CCND3: variants seen among roughly 807,000 people sequenced by gnomAD.
The protein encoded by CCND3 is cyclin D3, also known as G1/S-specific cyclin-D3.
CCND3 carries 9 observed loss-of-function variants against 28.7 expected under a neutral mutation model. The ratio of observed to expected loss-of-function variants is 0.31; its 90% confidence interval spans 0.19 to 0.55. The LOEUF is 0.55. Among genes scored for constraint, CCND3 ranks in the 20% least tolerant of loss-of-function variants. The pLI is 0.93. For missense variants in CCND3, 315 were observed against 385.8 expected, an observed-to-expected ratio of 0.82 and a Z score of 1.54; for synonymous variants, 164 against 163.9, an observed-to-expected ratio of 1.00 and a Z score of 0.00.
chr6:41,971,696 C>T (rs1458832928), intron 1 of CCND3, among the ~76,000 whole-genome samples: 1 of 151,486 alleles, frequency 6.6e-6, no homozygotes, highest in Admixed American at 6.6e-5. Flanking sequence ...CGCTCCACCA[C>T]GCCCAGCTAA....
chr6:41,996,170 A>G (rs1762801089), intron 1 of CCND3, among the ~76,000 whole-genome samples: 2 of 147,924 alleles, frequency 1.4e-5, no homozygotes, highest in South Asian at 2.1e-4. Flanking sequence ...TTTGTTTGAC[A>G]TGGACTTTCA....
intron 1 of CCND3, among the ~76,000 whole-genome samples, chr6:41,967,143 AC>A (rs1414967422): frequency 1.3e-5 from 2 of 152,030 alleles, no homozygotes; most frequent in African/African-American, 2.4e-5. Flanking sequence ...TCTTTGTCTC[AC>A]CTCTGGTTTC....
chr6:41,977,668 A>G (rs1305880932), intron 1 of CCND3, among the ~76,000 whole-genome samples: 1 of 152,074 alleles, frequency 6.6e-6, no homozygotes, highest in Non-Finnish European at 1.5e-5. Context: ...TGCCCAGCCA[A>G]CTGTACTTTA....
intron 1 of CCND3, among the ~76,000 whole-genome samples, chr6:41,992,311 T>C (rs1762672558): frequency 1.3e-5 from 2 of 150,924 alleles, no homozygotes. Context: ...TACAGGTGCC[T>C]GCCACCATGC....
intron 1 of CCND3, among the ~76,000 whole-genome samples, chr6:41,975,603 C>T (rs1045080587): frequency 6.6e-6 from 1 of 152,042 alleles, no homozygotes; most frequent in African/African-American, 2.4e-5. Context: ...TGGGGAATCC[C>T]AAGGGGACTT....
At chr6:42,008,975 T>C (rs951163885) in intron 1 of CCND3, among the ~76,000 whole-genome samples, 3 of 152,164 alleles carry the variant, frequency 2.0e-5, no homozygotes, top group Non-Finnish European at 2.9e-5. Flanking sequence ...CCCGTGGGAA[T>C]AGGGAACATG....
At chr6:42,024,191 C>T (rs1331064891) in intron 1 of CCND3, among the ~76,000 whole-genome samples, 12 of 151,860 alleles carry the variant, frequency 7.9e-5, no homozygotes, top group Non-Finnish European at 5.9e-5. Context: ...ATCACGAGGT[C>T]AGGAGATGGA....
In CCND3 at chr6:41,998,517, G is replaced by A. The variant is rs575482108; in HGVS notation, c.-46+49984C>T. ...GTGCCAACCACCACGCCTGGCCAAC[G>A]GGGTTTCACCATGTTGGCCAGGCTG... On this transcript the variant is annotated intron_variant, in intron 1 of 4. Transcript: ENST00000372988. Among the ~76,000 whole-genome samples, 382 of 150,138 alleles carry A rather than the reference G, an allele frequency of 2.5e-3. 2 individuals carry two copies. Among genetic ancestry groups the A allele is most frequent in the African/African-American group, 8.9e-3 (365 of 40,920 alleles).
intron 1 of CCND3, among the ~76,000 whole-genome samples, chr6:41,990,257 A>C (rs1029033374): frequency 3.3e-5 from 5 of 152,144 alleles, no homozygotes; most frequent in African/African-American, 4.8e-5. Context: ...AGACTTCTAC[A>C]AGGAAAACTA....
intron 1 of CCND3, among the ~76,000 whole-genome samples, chr6:41,970,604 C>G (rs957996548): frequency 3.9e-5 from 6 of 152,118 alleles, no homozygotes; most frequent in African/African-American, 1.4e-4. Flanking sequence ...AATCTCCCAT[C>G]CCTTTCAAAA....
At position 41,935,020 on chromosome 6, in the gene CCND3, C is replaced by G; in HGVS notation, c.*920G>C. 8.6e-6 allele frequency: 2 copies of G among 232,928 alleles called. No homozygotes were observed. 14.4% of individuals were successfully genotyped at this position (232,928 alleles called of 1,614,324 possible). Reference sequence around the variant, plus strand: ...GGGCCACCAGCCTAAACCTTGCAGCCTTAGGAAAGACCTGTGTCAACAGGG... The same window carrying G: ...GGGCCACCAGCCTAAACCTTGCAGCGTTAGGAAAGACCTGTGTCAACAGGG... On this transcript the variant is annotated 3_prime_UTR_variant, in exon 5 of 5. Coordinates refer to ENST00000372991, the MANE Select transcript of CCND3 (RefSeq NM_001760.5).
At chr6:41,986,701 C>G (rs564706103) in intron 1 of CCND3, among the ~76,000 whole-genome samples, 4 of 151,986 alleles carry the variant, frequency 2.6e-5, no homozygotes, top group African/African-American at 7.2e-5. Flanking sequence ...AATATACGAT[C>G]ATGTCATCTG....
At chr6:42,047,436 C>G (rs774223807) in intron 1 of CCND3, among the ~76,000 whole-genome samples, 21 of 152,212 alleles carry the variant, frequency 1.4e-4, no homozygotes, top group Non-Finnish European at 2.4e-4. Flanking sequence ...AGATCCACTT[C>G]TCTATCCACG....
chr6:41,998,349 ATTTT>A (rs34342484), intron 1 of CCND3, among the ~76,000 whole-genome samples: 2 of 117,248 alleles, frequency 1.7e-5, no homozygotes. Flanking sequence ...ACAATATCCA[ATTTT>A]TTTTTTTTTT....
intron 1 of CCND3, among the ~76,000 whole-genome samples, chr6:42,000,865 A>G (rs1444527761): frequency 6.6e-6 from 1 of 151,494 alleles, no homozygotes; most frequent in East Asian, 2.0e-4. Context: ...ACGCCTGGCC[A>G]TGAAACAAAT....
chr6:41,990,125 C>A (rs867411761), intron 1 of CCND3, among the ~76,000 whole-genome samples: 1 of 151,566 alleles, frequency 6.6e-6, no homozygotes, highest in Non-Finnish European at 1.5e-5. Flanking sequence ...AATCAACATA[C>A]AAAAATCAGT....
rs560175531 is a variant in CCND3, at chr6:42,009,680, G to A, written c.-46+38821C>T. On this transcript the variant is annotated intron_variant, in intron 1 of 4. Coordinates refer to the CCND3 transcript ENST00000372988. ...AAATTAGCTGGGGGTGGTGGCACACGCCCATAGTCCCAGCTACTCGGGAGG... is the reference window on the plus strand; with the variant it reads ...AAATTAGCTGGGGGTGGTGGCACACACCCATAGTCCCAGCTACTCGGGAGG... 2.7e-3 allele frequency among the ~76,000 whole-genome samples: 404 copies of A among 152,132 alleles called. 5 individuals are homozygous for A. Among genetic ancestry groups the A allele is most frequent in the Non-Finnish European group, 4.1e-3 (279 of 67,984 alleles).
chr6:41,969,867 T>C (rs1761986963), intron 1 of CCND3, among the ~76,000 whole-genome samples: 1 of 152,084 alleles, frequency 6.6e-6, no homozygotes. Flanking sequence ...CTGTGTGGCC[T>C]GAGAAAAGTT....
Position 41,936,458 on chromosome 6 carries a change from T to C in CCND3, c.711+101A>G. 3 of 1,390,098 alleles carry C rather than the reference T, an allele frequency of 2.2e-6. No individual in the cohort carries two copies. The highest frequency in any genetic ancestry group is 9.9e-7 in the Non-Finnish European group (1 of 1,007,212). 86.1% of individuals were successfully genotyped at this position (1,390,098 alleles called of 1,614,324 possible). A position where few individuals can be genotyped will look rare whatever the true frequency, so the allele number is the denominator to read the frequency against. ...AGCCCCAAGGTTGTGAAACCAGGAC[T>C]TGGGACCAGGTTGGGGTTGGAGGTT... On this transcript the variant is annotated intron_variant, in intron 4 of 4. Transcript: ENST00000372991. The surrounding 1 kb of genome is among the most constrained non-coding windows in gnomAD (Gnocchi z 4.4).
Sources: gnomAD v4.1 joint callset for allele counts (sites outside exome capture counted in the v4.1 genomes callset) on GRCh38, gnomAD v4.1.1 for gene constraint, Gnocchi (gnomAD v3.1) non-coding constraint, MANE v1.5 for transcripts, NCBI Gene and HGNC (gene_info 2026-07-23, HGNC 2026-07-21) for gene names.